Variants in MYO1E observed in about 807,000 individuals in gnomAD.
MYO1E encodes unconventional myosin-Ie.
MYO1E carries 68 observed loss-of-function variants against 151.1 expected under a neutral mutation model. The observed-to-expected ratio is 0.45, with a 90% CI of 0.37 to 0.55. MYO1E has a LOEUF of 0.55. Ranked by LOEUF, MYO1E falls within the 20% of genes least tolerant of loss-of-function variation. MYO1E has a pLI of 0.00. For missense variants in MYO1E, 1,363 were observed against 1,389.3 expected (o/e 0.98, Z 0.30); for synonymous variants, 601 against 501.7 (o/e 1.20, Z -2.64).
chr15:59,206,036 G>A (rs1384809150), intron 14 of MYO1E, among the ~76,000 whole-genome samples: 10 of 152,048 alleles, frequency 6.6e-5, no homozygotes, highest in African/African-American at 2.4e-4. Context: ...GATGAGACCA[G>A]GGGATTTCCA....
chr15:59,361,596 A>T (rs1406532539), intron 1 of MYO1E, among the ~76,000 whole-genome samples: 2 of 152,222 alleles, frequency 1.3e-5, no homozygotes, highest in African/African-American at 4.8e-5. Flanking sequence ...ATGAAGAATT[A>T]TATGTATTTT....
At chr15:59,296,501 G>T (rs2080449174) in intron 1 of MYO1E, among the ~76,000 whole-genome samples, 1 of 152,202 alleles carries the variant, frequency 6.6e-6, no homozygotes, top group South Asian at 2.1e-4. Flanking sequence ...AGGCCAGCAT[G>T]AAGGCCTAGG....
intron 26 of MYO1E, among the ~76,000 whole-genome samples, chr15:59,146,306 GTTGTT>G (rs1279752542): frequency 6.6e-6 from 1 of 151,588 alleles, no homozygotes; most frequent in Admixed American, 6.6e-5. Context: ...TGAGATAATG[GTTGTT>G]TTTTGTTTTG....
At chr15:59,295,372 C>T (rs2080442704) in intron 1 of MYO1E, among the ~76,000 whole-genome samples, 1 of 152,108 alleles carries the variant, frequency 6.6e-6, no homozygotes, top group African/African-American at 2.4e-5. Flanking sequence ...AAAAGACCAA[C>T]TGGACTAGAA....
intron 12 of MYO1E, among the ~76,000 whole-genome samples, chr15:59,213,170 T>C (rs1406123065): frequency 1.4e-5 from 2 of 147,352 alleles, no homozygotes; most frequent in African/African-American, 2.5e-5. Context: ...ATTATTATTA[T>C]TATTATTATT....
intron 2 of MYO1E, among the ~76,000 whole-genome samples, chr15:59,269,632 C>T (rs1439033352): frequency 6.6e-6 from 1 of 151,860 alleles, no homozygotes; most frequent in African/African-American, 2.4e-5. Context: ...CTGAGGTGGA[C>T]AGATCATGAG....
At chr15:59,155,940 G>A (rs1360077510) in intron 25 of MYO1E, among the ~76,000 whole-genome samples, 1 of 152,146 alleles carries the variant, frequency 6.6e-6, no homozygotes, top group East Asian at 1.9e-4. Flanking sequence ...TGCAATCTCA[G>A]ATCACAGCAA....
chr15:59,280,443 T>G (rs1843240891), intron 1 of MYO1E, among the ~76,000 whole-genome samples: 1 of 151,962 alleles, frequency 6.6e-6, no homozygotes, highest in East Asian at 1.9e-4. Context: ...TGGTCAACAT[T>G]GTGAAACCCC....
chr15:59,154,268 G>C (rs1440140767), intron 25 of MYO1E, among the ~76,000 whole-genome samples: 4 of 152,164 alleles, frequency 2.6e-5, no homozygotes, highest in Non-Finnish European at 4.4e-5. Flanking sequence ...ATTTTCGAGG[G>C]GTCAATCTTG....
intron 4 of MYO1E, 116 bp from the exon 5 acceptor site, chr15:59,236,788 GA>G: frequency 9.9e-7 from 1 of 1,014,428 alleles, no homozygotes; most frequent in Non-Finnish European, 1.5e-6. Context: ...AAAACAGGCA[GA>G]AAAGAATTTT....
chr15:59,296,545 C>G (rs958450457), intron 1 of MYO1E, among the ~76,000 whole-genome samples: 1 of 152,174 alleles, frequency 6.6e-6, no homozygotes, highest in Non-Finnish European at 1.5e-5. Context: ...GTTCCCTGGG[C>G]TTAATTGCCC....
chr15:59,314,959 A>G (rs921758582), intron 1 of MYO1E, among the ~76,000 whole-genome samples: 18 of 152,126 alleles, frequency 1.2e-4, no homozygotes, highest in African/African-American at 3.6e-4. Context: ...TGATTTTTCT[A>G]GAGAAGCTGG....
At chr15:59,178,340 C>G (rs952626430) in intron 19 of MYO1E, 53 bp downstream of exon 19, 8 of 1,606,838 alleles carry the variant, frequency 5.0e-6, no homozygotes, top group Non-Finnish European at 6.8e-6. Flanking sequence ...TGGAGCAGGG[C>G]TGGCGGGGGC....
intron 26 of MYO1E, among the ~76,000 whole-genome samples, chr15:59,145,085 C>T (rs1942155191): frequency 1.3e-5 from 2 of 152,284 alleles, no homozygotes; most frequent in South Asian, 4.1e-4. Context: ...TCAACTGATC[C>T]ACCTGCCTCA....
chr15:59,249,135 A>G (rs547599822), intron 4 of MYO1E, among the ~76,000 whole-genome samples: 2 of 151,858 alleles, frequency 1.3e-5, no homozygotes, highest in East Asian at 3.9e-4. Context: ...TTCAAAATCC[A>G]CTTTGTGGCC....
At chr15:59,244,598 TA>T (rs1316213440) in intron 4 of MYO1E, among the ~76,000 whole-genome samples, 1 of 152,172 alleles carries the variant, frequency 6.6e-6, no homozygotes, top group Non-Finnish European at 1.5e-5. Context: ...ATTAACCAGT[TA>T]ACCTAACACC....
In MYO1E at chr15:59,138,323, C is replaced by T; in HGVS notation, c.3125G>A (p.Arg1042Lys). The change falls in exon 27 of 28, where the codon AGA becomes AAA. Residue 1042 changes from arginine to lysine, a missense_variant. Coordinates refer to ENST00000288235, the MANE Select transcript of MYO1E (RefSeq NM_004998.4). Reference sequence around the variant, plus strand: ...CTTGGGCTTGGGCTGGGGCTTGGGTCTGCCCCCTGCTGGGGGAGGCCGACT... The same window carrying T: ...CTTGGGCTTGGGCTGGGGCTTGGGTTTGCCCCCTGCTGGGGGAGGCCGACT... ...TTSRPPPAGG[R>K]PKPQPKPKPQ... 1 of 1,614,220 alleles carries T rather than the reference C, an allele frequency of 6.2e-7. No homozygotes were observed. The highest frequency in any genetic ancestry group is 8.5e-7 in the Non-Finnish European group (1 of 1,180,040).
chr15:59,227,424 C>A, intron 7 of MYO1E, 35 bp downstream of exon 7: 1 of 1,612,972 alleles, frequency 6.2e-7, no homozygotes, highest in Non-Finnish European at 8.5e-7. Flanking sequence ...AGAGAAGGGA[C>A]AGGAAGTGGG....
At chr15:59,328,126 G>A (rs537411964) in intron 1 of MYO1E, among the ~76,000 whole-genome samples, 1 of 152,206 alleles carries the variant, frequency 6.6e-6, no homozygotes, top group Non-Finnish European at 1.5e-5. Context: ...GGGTGGCAGA[G>A]GTGTCAGCAG....
Sources: allele counts gnomAD v4.1 joint callset (sites outside exome capture counted in the v4.1 genomes callset), GRCh38; gene constraint gnomAD v4.1.1; transcripts MANE v1.5; gene names NCBI Gene and HGNC (gene_info 2026-07-23, HGNC 2026-07-21).